CCDC171: variants seen among roughly 807,000 people sequenced by gnomAD.
The protein encoded by CCDC171 is coiled-coil domain containing 171.
In CCDC171, 177 loss-of-function variants were observed where a neutral mutation model predicts 168.2. The ratio of observed to expected loss-of-function variants is 1.05; its 90% CI spans 0.93 to 1.19. The LOEUF is 1.19. Among genes scored for constraint, CCDC171 ranks in the 50% most tolerant of loss-of-function variants. CCDC171 has a pLI of 0.00. For missense variants in CCDC171, 1,991 were observed against 1,539.0 expected (o/e 1.29, Z -4.91); for synonymous variants, 687 against 540.8 (o/e 1.27, Z -3.75).
At chr9:15,840,186 T>A (rs2060617796) in intron 21 of CCDC171, among the ~76,000 whole-genome samples, 1 of 152,140 alleles carries the variant, frequency 6.6e-6, no homozygotes, top group South Asian at 2.1e-4. Context: ...TTGAAAGATT[T>A]TTTTCAACAA....
At chr9:15,576,159 G>GTGTA (rs1554684297) in intron 3 of CCDC171, among the ~76,000 whole-genome samples, 7 of 139,774 alleles carry the variant, frequency 5.0e-5, no homozygotes, top group African/African-American at 1.5e-4. Context: ...GTGTGTGTGT[G>GTGTA]TATATACATG....
Position 15,721,517 on chromosome 9 carries a change from G to T in CCDC171, c.1319-252G>T, listed in dbSNP as rs1206353819. 2.0e-5 allele frequency among the ~76,000 whole-genome samples: 3 copies of T among 150,364 alleles called. No individual in the cohort carries two copies. The East Asian group carries it at 6.0e-4, about 30-fold the overall frequency. The stretch of plus-strand genomic sequence containing the variant: ...AGAAAGTAGTCATAAATTTAAATTT[G>T]ATATATTATGAACTTTAATTTGGCC... On this transcript the variant is annotated intron_variant, in intron 11 of 25. Coordinates refer to ENST00000380701, the MANE Select transcript of CCDC171 (RefSeq NM_173550.4).
chr9:16,062,511 A>T (rs1281744283), downstream of CCDC171, among the ~76,000 whole-genome samples: 1 of 152,200 alleles, frequency 6.6e-6, no homozygotes, highest in African/African-American at 2.4e-5. Context: ...CATGCAATTT[A>T]CCCATCGAAC....
intron 3 of CCDC171, among the ~76,000 whole-genome samples, chr9:16,001,460 G>GGT (rs949809967): frequency 4.6e-5 from 7 of 151,890 alleles, no homozygotes; most frequent in African/African-American, 9.7e-5. Flanking sequence ...TTTACGGTAG[G>GGT]GTGTGTGTGT....
At chr9:15,963,366 TTTTG>T (rs1294118764) in intron 25 of CCDC171, among the ~76,000 whole-genome samples, 1 of 151,740 alleles carries the variant, frequency 6.6e-6, no homozygotes, top group Non-Finnish European at 1.5e-5. Context: ...AAAAAAAAAG[TTTTG>T]TTTATCTATC....
chr9:15,692,678 C>T (rs182625472), intron 10 of CCDC171, among the ~76,000 whole-genome samples: 1,813 of 151,640 alleles, frequency 0.012, 27 homozygotes, highest in African/African-American at 0.042. Context: ...CAGGCGCCCG[C>T]CACCATGCCC....
chr9:15,676,059 C>T (rs938379014), intron 9 of CCDC171, among the ~76,000 whole-genome samples: 7 of 152,086 alleles, frequency 4.6e-5, no homozygotes, highest in African/African-American at 1.7e-4. Flanking sequence ...TTCTTGGAGG[C>T]CTTGTTCATT....
intron 11 of CCDC171, among the ~76,000 whole-genome samples, chr9:15,713,604 G>A (rs1329723212): frequency 6.6e-6 from 1 of 152,074 alleles, no homozygotes; most frequent in Non-Finnish European, 1.5e-5. Flanking sequence ...AGTATCTGCT[G>A]AGGACCAGTA....
chr9:15,900,361 T>C (rs1821459407), intron 24 of CCDC171, among the ~76,000 whole-genome samples: 8 of 152,166 alleles, frequency 5.3e-5, no homozygotes. Context: ...CAGAGAGTGA[T>C]CCTGGGTGAC....
intron 9 of CCDC171, among the ~76,000 whole-genome samples, chr9:15,677,040 T>A (rs1467637874): frequency 6.6e-6 from 1 of 152,210 alleles, no homozygotes; most frequent in Non-Finnish European, 1.5e-5. Flanking sequence ...ATGATGGGCC[T>A]CACATGGATT....
At chr9:15,648,602 T>G (rs553338378) in intron 7 of CCDC171, among the ~76,000 whole-genome samples, 1 of 152,106 alleles carries the variant, frequency 6.6e-6, no homozygotes, top group Non-Finnish European at 1.5e-5. Flanking sequence ...TATACACCAA[T>G]AACAGAGAAG....
intron 21 of CCDC171, among the ~76,000 whole-genome samples, chr9:15,836,662 A>G (rs1318486700): frequency 6.6e-6 from 1 of 152,134 alleles, no homozygotes; most frequent in African/African-American, 2.4e-5. Context: ...GTCTTGTTTT[A>G]AAGGTGTCTA....
At chr9:15,778,643 C>CAAAA (rs527592822) in intron 19 of CCDC171, among the ~76,000 whole-genome samples, 29 of 58,672 alleles carry the variant, frequency 4.9e-4, no homozygotes, top group South Asian at 3.1e-3. Flanking sequence ...AAGACTGTCT[C>CAAAA]AAAAAAAAAA....
downstream of CCDC171, among the ~76,000 whole-genome samples, chr9:15,976,229 T>C (rs1271697540): frequency 6.6e-6 from 1 of 152,204 alleles, no homozygotes; most frequent in African/African-American, 2.4e-5. Context: ...AGTAAACGTT[T>C]AGTAATTTTT....
At chr9:15,637,914 G>T (rs543924839) in intron 7 of CCDC171, among the ~76,000 whole-genome samples, 1 of 151,962 alleles carries the variant, frequency 6.6e-6, no homozygotes, top group Non-Finnish European at 1.5e-5. Flanking sequence ...ATTGTGAATA[G>T]TGCCGCAATA....
At chr9:15,569,418 CTT>C (rs1015564303) in intron 2 of CCDC171, among the ~76,000 whole-genome samples, 1 of 152,166 alleles carries the variant, frequency 6.6e-6, no homozygotes, top group Non-Finnish European at 1.5e-5. Flanking sequence ...TAGAACAATG[CTT>C]ACAAAATAAC....
intron 9 of CCDC171, among the ~76,000 whole-genome samples, chr9:15,671,186 C>A (rs2133249011): frequency 6.6e-6 from 1 of 152,186 alleles, no homozygotes; most frequent in African/African-American, 2.4e-5. Context: ...ATGTGATTAA[C>A]CAATCACTTA....
chr9:15,793,761 A>G (rs948245502), intron 21 of CCDC171, among the ~76,000 whole-genome samples: 4 of 151,508 alleles, frequency 2.6e-5, no homozygotes, highest in Non-Finnish European at 4.4e-5. Context: ...ATTGGCTAGG[A>G]TGGTCTCGAT....
At chr9:15,580,239 T>A (rs1200846022) in intron 4 of CCDC171, among the ~76,000 whole-genome samples, 1 of 152,206 alleles carries the variant, frequency 6.6e-6, no homozygotes, top group Non-Finnish European at 1.5e-5. Flanking sequence ...GACTTAAATC[T>A]AAGTCCTGAA....
Sources: gnomAD v4.1 joint callset for allele counts (sites outside exome capture counted in the v4.1 genomes callset) on GRCh38, gnomAD v4.1.1 for gene constraint, MANE v1.5 for transcripts, NCBI Gene and HGNC (gene_info 2026-07-23, HGNC 2026-07-21) for gene names.